IL1R1: variants seen among roughly 807,000 people sequenced by gnomAD.
The protein encoded by IL1R1 is interleukin-1 receptor type 1.
A neutral mutation model predicts 50.2 loss-of-function variants in IL1R1; 22 were observed. The ratio of observed to expected loss-of-function variants is 0.44; its 90% CI spans 0.31 to 0.63. IL1R1 has a LOEUF of 0.63. Ranked by LOEUF, IL1R1 falls within the 20% of genes least tolerant of loss-of-function variation. The pLI is 0.07. For synonymous variants in IL1R1, 251 were observed against 236.7 expected (o/e 1.06, Z -0.55); for missense variants, 509 against 676.2 (o/e 0.75, Z 2.74).
Position 102,176,599 on chromosome 2 carries a change from G to C in IL1R1, c.1550G>C (p.Gly517Ala). The C allele has an allele frequency of 6.2e-7, 1 of 1,614,120 alleles. No homozygotes were observed. The highest frequency in any genetic ancestry group is 8.5e-7 in the Non-Finnish European group (1 of 1,180,012). The change falls in exon 12 of 12, where the codon GGG becomes GCG. Residue 517 changes from glycine (G) to alanine (A), a missense_variant. Transcript: ENST00000410023. ...AAACATGGGGCTATCCGCTGGTCAG[G>C]GGACTTTACACAGGGACCACAGTCT... ...KQKHGAIRWS[G>A]DFTQGPQSAK...
upstream of IL1R1, among the ~76,000 whole-genome samples, chr2:102,101,812 G>C (rs1680156075): frequency 6.6e-6 from 1 of 152,172 alleles, no homozygotes; most frequent in Non-Finnish European, 1.5e-5. Context: ...GCTCGGCTCA[G>C]GGAATTCTAT....
rs766462396 is a variant in IL1R1, at chr2:102,142,977, G to T, written c.-127G>T. ...GCCCCTCTGAGCTGAGCCGGGTTCCGCCCGGGGCTGGGATCCCATCACCCT... is the reference window on the plus strand; with the variant it reads ...GCCCCTCTGAGCTGAGCCGGGTTCCTCCCGGGGCTGGGATCCCATCACCCT... On this transcript the variant is annotated 5_prime_UTR_variant, in exon 1 of 12. Coordinates refer to ENST00000410023, the MANE Select transcript of IL1R1 (RefSeq NM_000877.4). The T allele has an allele frequency of 1.3e-5, 2 of 152,284 alleles. No homozygotes were observed. Among genetic ancestry groups the T allele is most frequent in the Non-Finnish European group, 2.9e-5 (2 of 68,166 alleles). 9.4% of individuals were successfully genotyped at this position (152,284 alleles called of 1,614,324 possible). A position where few individuals can be genotyped will look rare whatever the true frequency, so the allele number is the denominator to read the frequency against.
intron 1 of IL1R1, among the ~76,000 whole-genome samples, chr2:102,105,228 G>T (rs1680336660): frequency 6.6e-6 from 1 of 152,226 alleles, no homozygotes; most frequent in Non-Finnish European, 1.5e-5. Flanking sequence ...AGTGAAAGGT[G>T]TTGTAAATGA....
chr2:102,157,934 T>C lies in IL1R1; in HGVS notation c.61+149T>C, dbSNP rs1265862706. 6 of 625,502 alleles carry C rather than the reference T, an allele frequency of 9.6e-6. No homozygotes were observed. The Admixed American group carries it at 1.1e-4, about 12-fold the overall frequency. The allele number at this position is 625,502 out of a possible 1,614,324, so 38.7% of individuals were successfully genotyped here. On this transcript the variant is annotated intron_variant, in intron 3 of 11. Transcript: ENST00000410023. Reference sequence around the variant, plus strand: ...CCTCCTGGTCATAGACCTGTACTGCTGGAAGTTCCTCTCAGCATCTTCGTC... The same window carrying C: ...CCTCCTGGTCATAGACCTGTACTGCCGGAAGTTCCTCTCAGCATCTTCGTC...
upstream of IL1R1, among the ~76,000 whole-genome samples, chr2:102,138,028 A>G (rs1255361251): frequency 1.3e-5 from 2 of 152,180 alleles, no homozygotes; most frequent in Admixed American, 6.5e-5. Flanking sequence ...TTTAAGAATA[A>G]GTTTAAAAAG....
At chr2:102,159,537 T>C (rs1007890496) in intron 3 of IL1R1, among the ~76,000 whole-genome samples, 9 of 152,226 alleles carry the variant, frequency 5.9e-5, no homozygotes, top group Admixed American at 5.9e-4. Flanking sequence ...CCCAGGAATG[T>C]GTCAGAGCTT....
chr2:102,116,133 C>T (rs1284396336), intron 1 of IL1R1, among the ~76,000 whole-genome samples: 1 of 152,228 alleles, frequency 6.6e-6, no homozygotes, highest in East Asian at 1.9e-4. Context: ...GTGCGTTGCA[C>T]TGGGTCGAGA....
chr2:102,121,539 C>T (rs1253642362), intron 1 of IL1R1, among the ~76,000 whole-genome samples: 1 of 152,194 alleles, frequency 6.6e-6, no homozygotes, highest in South Asian at 2.1e-4. Flanking sequence ...GATCTTCCCT[C>T]TAGCTCTACA....
intron 1 of IL1R1, among the ~76,000 whole-genome samples, chr2:102,130,120 A>C (rs991296455): frequency 3.9e-5 from 6 of 152,196 alleles, no homozygotes; most frequent in Non-Finnish European, 8.8e-5. Flanking sequence ...CTGCTTCTGC[A>C]TTCAATGTTG....
intron 1 of IL1R1, among the ~76,000 whole-genome samples, chr2:102,130,033 CTTTTTTT>C (rs1294409138): frequency 1.3e-5 from 2 of 152,032 alleles, no homozygotes; most frequent in Non-Finnish European, 2.9e-5. Context: ...AAAGAATTAC[CTTTTTTT>C]ACTTTGTTTA....
chr2:102,121,006 C>G (rs1681375043), intron 1 of IL1R1, among the ~76,000 whole-genome samples: 1 of 152,192 alleles, frequency 6.6e-6, no homozygotes, highest in Non-Finnish European at 1.5e-5. Flanking sequence ...TGCTTGGGGA[C>G]TCTTCCTCTT....
chr2:102,169,914 G>A (rs1267373988), intron 7 of IL1R1, among the ~76,000 whole-genome samples: 1 of 152,002 alleles, frequency 6.6e-6, no homozygotes, highest in East Asian at 1.9e-4. Flanking sequence ...TATATTTGCT[G>A]ATATACTGTG....
intron 1 of IL1R1, among the ~76,000 whole-genome samples, chr2:102,109,379 C>G (rs1222566386): frequency 6.7e-6 from 1 of 149,286 alleles, no homozygotes; most frequent in Non-Finnish European, 1.5e-5. Context: ...TATTCCAACT[C>G]TAGGTCCAGA....
At chr2:102,127,279 G>C (rs1392709833) in intron 1 of IL1R1, among the ~76,000 whole-genome samples, 1 of 152,166 alleles carries the variant, frequency 6.6e-6, no homozygotes, top group Admixed American at 6.5e-5. Context: ...GGTGAGAGGA[G>C]GCAAAGATGG....
At chr2:102,162,830 C>T (rs1167492607) in intron 3 of IL1R1, among the ~76,000 whole-genome samples, 2 of 151,950 alleles carry the variant, frequency 1.3e-5, no homozygotes, top group African/African-American at 4.8e-5. Flanking sequence ...GAAAGATGAT[C>T]TTATAATTAC....
chr2:102,174,637 A>G lies in IL1R1; in HGVS notation c.1042A>G (p.Ile348Val), dbSNP rs200109386. The G allele has an allele frequency of 1.2e-6, 2 of 1,611,868 alleles. No homozygotes were observed. Among genetic ancestry groups the G allele is most frequent in the Admixed American group, 1.7e-5 (1 of 59,804 alleles). Residue 348 changes from isoleucine to valine, a missense_variant, in exon 10 of 12, where the codon ATA (isoleucine) becomes GTA (valine). Transcript: ENST00000410023. ...MIGICVTLTVIIVCSVFIYKI... is the reference protein window; with the variant it reads ...MIGICVTLTVVIVCSVFIYKI... ...TGGTATATGTGTCACGTTGACAGTC[A>G]TAATTGTGTGTTCTGTTTTCATCTA...
intron 2 of IL1R1, among the ~76,000 whole-genome samples, chr2:102,157,135 C>A (rs1476715267): frequency 1.3e-5 from 2 of 152,090 alleles, no homozygotes; most frequent in African/African-American, 4.8e-5. Flanking sequence ...AAAGCCCCGA[C>A]AAGGGGAAAC....
upstream of IL1R1, chr2:102,142,725 A>G (rs1682757812): frequency 6.6e-6 from 1 of 150,790 alleles, no homozygotes; most frequent in Non-Finnish European, 1.5e-5. Context: ...CGGCGGGGCT[A>G]GAGCCAGAGC....
In IL1R1 at chr2:102,142,925, A is replaced by C. The variant is rs1158811768; in HGVS notation, c.-179A>C. On this transcript the variant is annotated 5_prime_UTR_variant, in exon 1 of 12. Transcript: ENST00000410023. The stretch of plus-strand genomic sequence containing the variant: ...CAATCGCGCGCCCGCGCACCGAAGC[A>C]CTCCTCGCTCGGCTCCTAGGGCTCT... The C allele has an allele frequency of 1.3e-5, 2 of 151,462 alleles. No individual in the cohort carries two copies. Among genetic ancestry groups the C allele is most frequent in the Non-Finnish European group, 2.9e-5 (2 of 67,826 alleles). The allele number at this position is 151,462 out of a possible 1,614,324, so 9.4% of individuals were successfully genotyped here. A position where few individuals can be genotyped will look rare whatever the true frequency, so the allele number is the denominator to read the frequency against.
Sources: gnomAD v4.1 joint callset for allele counts (sites outside exome capture counted in the v4.1 genomes callset) on GRCh38, gnomAD v4.1.1 for gene constraint, MANE v1.5 for transcripts, NCBI Gene and HGNC (gene_info 2026-07-23, HGNC 2026-07-21) for gene names.